FOXO1: variants seen among roughly 807,000 people sequenced by gnomAD.
FOXO1 encodes forkhead box protein O1.
A neutral mutation model predicts 44.1 loss-of-function variants in FOXO1; 6 were observed. The observed-to-expected ratio is 0.14, with a 90% CI of 0.07 to 0.27. FOXO1 has a LOEUF of 0.27. Among genes scored for constraint, FOXO1 ranks in the 10% least tolerant of loss-of-function variants. The pLI, the probability that FOXO1 is intolerant of heterozygous loss-of-function variation, is 1.00. For synonymous variants in FOXO1, 380 were observed against 362.7 expected (o/e 1.05, Z -0.54); for missense variants, 737 against 888.8 (o/e 0.83, Z 2.17).
At chr13:40,606,869 CCCTGCTTTAAATT>C (rs539073970) in intron 1 of FOXO1, among the ~76,000 whole-genome samples, 26 of 152,232 alleles carry the variant, frequency 1.7e-4, no homozygotes, top group Admixed American at 1.2e-3. Context: ...ACATCCCTGA[CCCTGCTTTAAATT>C]CCTCAGTAAC....
rs1449179476 is a variant in FOXO1 at position 40,593,777 on chromosome 13, G to C, written c.631-32917C>G. On this transcript the variant is annotated intron_variant, in intron 1 of 2. Coordinates refer to ENST00000379561, the MANE Select transcript of FOXO1 (RefSeq NM_002015.4). ...AATGTAACAAAAAAATCAGGACTTT[G>C]GATCCTTCTCTGACATCCTTCTGTG... Among the ~76,000 whole-genome samples, 4 of 152,174 alleles carry C rather than the reference G, an allele frequency of 2.6e-5. No individual in the cohort carries two copies. The East Asian group carries it at 7.7e-4, about 29-fold the overall frequency.
At chr13:40,577,284 A>G (rs1245819354) in intron 1 of FOXO1, among the ~76,000 whole-genome samples, 3 of 152,126 alleles carry the variant, frequency 2.0e-5, no homozygotes, top group Admixed American at 2.0e-4. Context: ...ACAGAATTCG[A>G]TTATAAACAT....
chr13:40,639,780 G>C (rs1176126889), intron 1 of FOXO1, among the ~76,000 whole-genome samples: 5 of 152,348 alleles, frequency 3.3e-5, no homozygotes, highest in Admixed American at 6.5e-5. Flanking sequence ...AGAACCACTA[G>C]CCCAGTCTTT....
At chr13:40,655,391 T>C (rs1877823448) in intron 1 of FOXO1, among the ~76,000 whole-genome samples, 1 of 151,632 alleles carries the variant, frequency 6.6e-6, no homozygotes, top group Non-Finnish European at 1.5e-5. Flanking sequence ...AGTTCCATAT[T>C]GTTTCCTAGT....
chr13:40,574,823 C>T (rs1480978660), intron 1 of FOXO1, among the ~76,000 whole-genome samples: 2 of 151,924 alleles, frequency 1.3e-5, no homozygotes, highest in Non-Finnish European at 2.9e-5. Flanking sequence ...CCTACCACCC[C>T]CAAAAAGAAA....
At chr13:40,622,613 C>T (rs1876653376) in intron 1 of FOXO1, among the ~76,000 whole-genome samples, 1 of 152,144 alleles carries the variant, frequency 6.6e-6, no homozygotes, top group Admixed American at 6.5e-5. Context: ...CACCAAGCCT[C>T]CTGCCTGCTT....
intron 1 of FOXO1, among the ~76,000 whole-genome samples, chr13:40,578,256 A>G (rs1874835190): frequency 6.6e-6 from 1 of 152,150 alleles, no homozygotes; most frequent in Admixed American, 6.5e-5. Flanking sequence ...TCCATCCCTA[A>G]GCCAATAAAC....
At chr13:40,629,008 T>A (rs1246109310) in intron 1 of FOXO1, among the ~76,000 whole-genome samples, 1 of 152,250 alleles carries the variant, frequency 6.6e-6, no homozygotes, top group African/African-American at 2.4e-5. Context: ...CCCACCTTTA[T>A]GTGCCAGCCC....
chr13:40,599,255 T>TA (rs1446211915), intron 1 of FOXO1, among the ~76,000 whole-genome samples: 1 of 150,506 alleles, frequency 6.6e-6, no homozygotes, highest in East Asian at 1.9e-4. Flanking sequence ...TTTGCAGAGT[T>TA]AGTCTTGTCA....
chr13:40,616,652 C>G (rs554874995), intron 1 of FOXO1, among the ~76,000 whole-genome samples: 1 of 152,236 alleles, frequency 6.6e-6, no homozygotes, highest in Non-Finnish European at 1.5e-5. Flanking sequence ...TCGGAAGCTA[C>G]TATAGGGCAG....
intron 1 of FOXO1, among the ~76,000 whole-genome samples, chr13:40,568,657 C>T (rs1467948887): frequency 6.6e-6 from 1 of 152,182 alleles, no homozygotes; most frequent in Non-Finnish European, 1.5e-5. Flanking sequence ...AGCTAATCTA[C>T]ATGCTTACAC....
At chr13:40,650,068 G>A (rs889609042) in intron 1 of FOXO1, among the ~76,000 whole-genome samples, 4 of 152,170 alleles carry the variant, frequency 2.6e-5, no homozygotes, top group Admixed American at 6.5e-5. Context: ...CAGCCCAAGG[G>A]CTGCTGATTG....
intron 1 of FOXO1, among the ~76,000 whole-genome samples, chr13:40,648,997 TC>T (rs1877595885): frequency 6.6e-6 from 1 of 152,200 alleles, no homozygotes; most frequent in Non-Finnish European, 1.5e-5. Flanking sequence ...CTAACTTGTT[TC>T]AGGCCAGAGT....
chr13:40,665,703 G>A lies in FOXO1; in HGVS notation c.510C>T (p.Thr170=). ...TCTCCGCCGAGCTCTCGATGGCCTT[G>A]GTGATGAGGTCGGCGTAGGACAGGT... ...WGNLSYADLI[T]KAIESSAEKR... is the part of the protein sequence containing the mutation. Residue 170 remains threonine, a synonymous_variant, in exon 1 of 3, where the codon ACC becomes ACT. Coordinates refer to ENST00000379561, the MANE Select transcript of FOXO1 (RefSeq NM_002015.4). The A allele has an allele frequency of 6.5e-7, 1 of 1,541,204 alleles. No individual in the cohort carries two copies. The highest frequency in any genetic ancestry group is 1.9e-5 in the Admixed American group (1 of 53,592).
At chr13:40,654,322 T>TAAAAAAAAAAAAAAAAAAAAA (rs11344939) in intron 1 of FOXO1, among the ~76,000 whole-genome samples, 3 of 48,194 alleles carry the variant, frequency 6.2e-5, no homozygotes, top group African/African-American at 2.0e-4. Context: ...CTAAAAATAC[T>TAAAAAAAAAAAAAAAAAAAAA]AAAAAAAAAA....
intron 1 of FOXO1, among the ~76,000 whole-genome samples, chr13:40,658,327 TG>T (rs143170531): frequency 0.028 from 4,310 of 152,222 alleles, 169 homozygotes; most frequent in African/African-American, 0.095. Flanking sequence ...TTAACAGACT[TG>T]GGAACACTAA....
chr13:40,632,787 A>T lies in FOXO1; in HGVS notation c.630+32796T>A, dbSNP rs142629058. Among the ~76,000 whole-genome samples, 294 of 151,300 alleles carry T rather than the reference A, an allele frequency of 1.9e-3. 1 individual carries two copies. The highest frequency in any genetic ancestry group is 6.9e-3 in the African/African-American group (286 of 41,248). On this transcript the variant is annotated intron_variant, in intron 1 of 2. Coordinates refer to ENST00000379561, the MANE Select transcript of FOXO1 (RefSeq NM_002015.4). ...GTGAAACCCTGTCTCTACTAAAAAT[A>T]AAAAAAAATTAGCTGGGCATAGTGG...
intron 1 of FOXO1, among the ~76,000 whole-genome samples, chr13:40,650,779 G>T (rs1012254477): frequency 2.0e-5 from 3 of 152,086 alleles, no homozygotes; most frequent in Admixed American, 1.3e-4. Context: ...TTTTGAGATG[G>T]AGTCTCACTC....
At chr13:40,600,891 GATGATTACAACCA>G (rs1875793378) in intron 1 of FOXO1, among the ~76,000 whole-genome samples, 1 of 152,154 alleles carries the variant, frequency 6.6e-6, no homozygotes, top group Non-Finnish European at 1.5e-5. Context: ...ATAAATCTTA[GATGATTACAACCA>G]ATCAACAGGG....
Sources: gnomAD v4.1 joint callset for allele counts (sites outside exome capture counted in the v4.1 genomes callset) on GRCh38, gnomAD v4.1.1 for gene constraint, MANE v1.5 for transcripts, NCBI Gene and HGNC (gene_info 2026-07-23, HGNC 2026-07-21) for gene names.